SLC35F1: variants seen among roughly 807,000 people sequenced by gnomAD.
SLC35F1 encodes solute carrier family 35 member F1.
A neutral mutation model predicts 48.7 loss-of-function variants in SLC35F1; 14 were observed. The observed-to-expected ratio is 0.29, with a 90% CI of 0.19 to 0.45. The LOEUF (loss-of-function observed/expected upper bound fraction) is 0.45, where lower values mean the gene tolerates loss of function less well. SLC35F1 is among the 20% of genes least tolerant of loss of function. SLC35F1 has a pLI of 1.00. For missense variants in SLC35F1, 404 were observed against 500.0 expected, an observed-to-expected ratio of 0.81 and a Z score of 1.83; for synonymous variants, 190 against 202.2, an observed-to-expected ratio of 0.94 and a Z score of 0.51.
intron 3 of SLC35F1, among the ~76,000 whole-genome samples, chr6:118,253,236 G>A (rs1005851374): frequency 5.3e-5 from 8 of 152,060 alleles, no homozygotes; most frequent in South Asian, 2.1e-4. Context: ...AGCCAGGAAC[G>A]CGTAAAGGAG....
intron 3 of SLC35F1, among the ~76,000 whole-genome samples, chr6:118,254,823 T>A (rs1016261725): frequency 6.6e-6 from 1 of 152,192 alleles, no homozygotes; most frequent in African/African-American, 2.4e-5. Flanking sequence ...GTTCATGAAT[T>A]CTATAAATTA....
intron 1 of SLC35F1, chr6:117,999,323 A>C: frequency 3.8e-6 from 6 of 1,595,704 alleles, no homozygotes; most frequent in Non-Finnish European, 5.1e-6. Context: ...CAAGGGGCTC[A>C]GGCTGTGCCG....
Position 118,244,547 on chromosome 6 carries a change from C to T in SLC35F1, c.477+8911C>T, listed in dbSNP as rs181287155. 9.6e-4 allele frequency among the ~76,000 whole-genome samples: 147 copies of T among 152,356 alleles called. 2 individuals carry two copies. Among genetic ancestry groups the T allele is most frequent in the Middle Eastern group, 6.8e-3 (2 of 294 alleles). On this transcript the variant is annotated intron_variant, in intron 3 of 7. Coordinates refer to ENST00000360388, the MANE Select transcript of SLC35F1 (RefSeq NM_001029858.4). ...GGCAAAGCCATTGGAAAGCAAGGGACGTATCTCTCACCCTTTCCTTCAACT... is the reference window on the plus strand; with the variant it reads ...GGCAAAGCCATTGGAAAGCAAGGGATGTATCTCTCACCCTTTCCTTCAACT...
chr6:118,094,073 T>C (rs574029272), intron 1 of SLC35F1, among the ~76,000 whole-genome samples: 2 of 152,360 alleles, frequency 1.3e-5, no homozygotes, highest in Non-Finnish European at 2.9e-5. Flanking sequence ...GGTGGGTTTT[T>C]ATCCCAGTTT....
intron 1 of SLC35F1, among the ~76,000 whole-genome samples, chr6:118,039,334 C>A: frequency 6.6e-6 from 1 of 151,896 alleles, no homozygotes; most frequent in Admixed American, 6.6e-5. Context: ...AGAATGGTTA[C>A]CTTTTAATTA....
At chr6:117,988,879 G>A (rs1204332449) in intron 1 of SLC35F1, among the ~76,000 whole-genome samples, 1 of 152,182 alleles carries the variant, frequency 6.6e-6, no homozygotes, top group Non-Finnish European at 1.5e-5. Flanking sequence ...ACAGCAATGT[G>A]AATATACTTA....
chr6:118,225,641 T>G (rs1193146410), intron 2 of SLC35F1, among the ~76,000 whole-genome samples: 1 of 152,110 alleles, frequency 6.6e-6, no homozygotes, highest in Non-Finnish European at 1.5e-5. Flanking sequence ...CATGAACAAA[T>G]GGGGTCATAT....
intron 1 of SLC35F1, among the ~76,000 whole-genome samples, chr6:118,122,379 T>C (rs1220141601): frequency 1.3e-5 from 2 of 152,146 alleles, no homozygotes; most frequent in East Asian, 3.9e-4. Flanking sequence ...CTGTGCTTGC[T>C]GAAATGAAAG....
intron 1 of SLC35F1, among the ~76,000 whole-genome samples, chr6:117,975,946 C>T (rs1432553577): frequency 1.3e-5 from 2 of 152,208 alleles, no homozygotes; most frequent in Non-Finnish European, 2.9e-5. Flanking sequence ...TTATCACGTC[C>T]TCCACTGTGA....
chr6:117,980,033 G>T (rs1776756654), intron 1 of SLC35F1, among the ~76,000 whole-genome samples: 1 of 152,086 alleles, frequency 6.6e-6, no homozygotes, highest in African/African-American at 2.4e-5. Flanking sequence ...TGAGTTTGAG[G>T]CCTCTGATTC....
At chr6:118,074,643 G>A (rs1413830111) in intron 1 of SLC35F1, among the ~76,000 whole-genome samples, 1 of 152,304 alleles carries the variant, frequency 6.6e-6, no homozygotes, top group East Asian at 1.9e-4. Flanking sequence ...GTTACTTTAA[G>A]ACAGGTAGAT....
intron 2 of SLC35F1, among the ~76,000 whole-genome samples, chr6:118,234,681 A>C (rs554182501): frequency 6.6e-6 from 1 of 152,286 alleles, no homozygotes; most frequent in African/African-American, 2.4e-5. Context: ...CACAGCCATA[A>C]ATATGGTATA....
chr6:118,108,561 A>G (rs1193407683), intron 1 of SLC35F1, among the ~76,000 whole-genome samples: 2 of 152,200 alleles, frequency 1.3e-5, no homozygotes, highest in South Asian at 4.1e-4. Flanking sequence ...ATACTTTTAA[A>G]TATGCATGTA....
chr6:117,963,204 C>G (rs1318659106), intron 1 of SLC35F1, among the ~76,000 whole-genome samples: 1 of 152,104 alleles, frequency 6.6e-6, no homozygotes, highest in East Asian at 1.9e-4. Context: ...CATTGCTGAT[C>G]TATAAAATGA....
chr6:118,097,965 A>G (rs1447768698), intron 1 of SLC35F1, among the ~76,000 whole-genome samples: 2 of 152,154 alleles, frequency 1.3e-5, no homozygotes, highest in East Asian at 3.9e-4. Context: ...CGATGGCTGT[A>G]TATCTCCTCT....
chr6:118,238,739 G>A (rs1775399372), intron 3 of SLC35F1, among the ~76,000 whole-genome samples: 1 of 152,110 alleles, frequency 6.6e-6, no homozygotes, highest in Admixed American at 6.5e-5. Context: ...TAAAAGTCTA[G>A]CACTGTATTC....
chr6:118,189,696 A>G (rs1774706744), intron 2 of SLC35F1, among the ~76,000 whole-genome samples: 1 of 152,236 alleles, frequency 6.6e-6, no homozygotes, highest in African/African-American at 2.4e-5. Flanking sequence ...AATTAAATTT[A>G]AAGGAGTTTA....
At position 118,068,550 on chromosome 6, in the gene SLC35F1, A is replaced by G. The variant is rs1419668001; in HGVS notation, c.174-85895A>G. Among the ~76,000 whole-genome samples, 10 of 152,254 alleles carry G rather than the reference A, an allele frequency of 6.6e-5. No individual in the cohort carries two copies. The South Asian group carries it at 1.7e-3, about 25-fold the overall frequency. The stretch of plus-strand genomic sequence containing the variant: ...TGTAAAACTTGGCAAAAAGAGTCTG[A>G]TCTTTGCCTCTGGAAACTTCTTTTG... On this transcript the variant is annotated intron_variant, in intron 1 of 7. Coordinates refer to ENST00000360388, the MANE Select transcript of SLC35F1 (RefSeq NM_001029858.4).
intron 2 of SLC35F1, among the ~76,000 whole-genome samples, chr6:118,194,707 A>G (rs1774777468): frequency 6.6e-6 from 1 of 152,216 alleles, no homozygotes; most frequent in Non-Finnish European, 1.5e-5. Context: ...GGAGATAAAC[A>G]GTGGTTTTTA....
Sources: gnomAD v4.1 joint callset for allele counts (sites outside exome capture counted in the v4.1 genomes callset) on GRCh38, gnomAD v4.1.1 for gene constraint, MANE v1.5 for transcripts, NCBI Gene and HGNC (gene_info 2026-07-23, HGNC 2026-07-21) for gene names.